RAB38: variants seen among roughly 807,000 people sequenced by gnomAD.
RAB38 encodes RAB38, member RAS oncogene family, also known as ras-related protein Rab-38.
Under a neutral mutation model 18.4 loss-of-function variants are expected in RAB38, and 15 were observed. The observed-to-expected ratio is 0.82, with a 90% confidence interval of 0.55 to 1.26. The LOEUF (loss-of-function observed/expected upper bound fraction) is 1.26. Ranked by LOEUF, RAB38 falls within the 50% of genes most tolerant of loss-of-function variation. The pLI, the probability that RAB38 is intolerant of heterozygous loss-of-function variation, is 0.00. For synonymous variants in RAB38, 101 were observed against 104.4 expected (o/e 0.97, Z 0.20); for missense variants, 294 against 267.4 (o/e 1.10, Z -0.69).
At chr11:88,092,356 GAGAGAGAGAGA>G in the RAB38 span, among the ~76,000 whole-genome samples, 19 of 10,642 alleles carry the variant, frequency 1.8e-3, 2 homozygotes, top group South Asian at 0.013. Flanking sequence ...GGGAGGGAGA[GAGAGAGAGAGA>G]GAGAGAGAGA....
chr11:88,042,607 C>T, the RAB38 span, among the ~76,000 whole-genome samples: 1,284 of 152,286 alleles, frequency 8.4e-3, 18 homozygotes, highest in African/African-American at 0.03. Context: ...CCAGGTAGAT[C>T]TGTGTCAGCT....
At chr11:88,070,071 G>A in the RAB38 span, among the ~76,000 whole-genome samples, 2 of 152,164 alleles carry the variant, frequency 1.3e-5, no homozygotes, top group Non-Finnish European at 2.9e-5. Flanking sequence ...CTTCCACACT[G>A]TGGAAGCTTT....
the RAB38 span, among the ~76,000 whole-genome samples, chr11:87,943,709 G>A: frequency 6.6e-6 from 1 of 152,076 alleles, no homozygotes; most frequent in East Asian, 1.9e-4. Context: ...TCTTAAAGAT[G>A]GAGCAGATAT....
In RAB38 at chr11:88,120,672, A is replaced by G. The variant is rs369182849; in HGVS notation, c.484-6532T>C. 3.3e-5 allele frequency among the ~76,000 whole-genome samples: 5 copies of G among 152,252 alleles called. No individual in the cohort carries two copies. In the East Asian group the frequency reaches 7.7e-4, roughly 24 times the overall value. On this transcript the variant is annotated intron_variant, in intron 2 of 2. Transcript: ENST00000243662. The stretch of plus-strand genomic sequence containing the variant: ...CTCCTAAGATTGTGTCCCTCTGACA[A>G]TGCCTCCCTCATCCCCACCATGGCC...
the RAB38 span, among the ~76,000 whole-genome samples, chr11:87,850,733 CACACACACACACAT>C: frequency 2.0e-5 from 3 of 151,856 alleles, no homozygotes; most frequent in Non-Finnish European, 4.4e-5. Context: ...CACACACACA[CACACACACACACAT>C]ACACACACAC....
the RAB38 span, among the ~76,000 whole-genome samples, chr11:87,953,583 T>C: frequency 1.3e-5 from 2 of 152,018 alleles, no homozygotes; most frequent in Admixed American, 6.5e-5. Context: ...ATTATTATTA[T>C]TTATTGTTAA....
At chr11:88,052,186 T>C in the RAB38 span, among the ~76,000 whole-genome samples, 1 of 151,698 alleles carries the variant, frequency 6.6e-6, no homozygotes, top group African/African-American at 2.4e-5. Context: ...GAAATAGAGA[T>C]GAATAGAGAA....
At chr11:88,151,595 G>A (rs1368985856) in intron 1 of RAB38, among the ~76,000 whole-genome samples, 1 of 152,216 alleles carries the variant, frequency 6.6e-6, no homozygotes, top group Non-Finnish European at 1.5e-5. Flanking sequence ...TTAACAAGTC[G>A]ACTTTTCTTG....
chr11:88,087,888 G>C, the RAB38 span, among the ~76,000 whole-genome samples: 1 of 151,842 alleles, frequency 6.6e-6, no homozygotes, highest in Non-Finnish European at 1.5e-5. Context: ...CAGCAGGGTT[G>C]TGACTAGAAA....
the RAB38 span, among the ~76,000 whole-genome samples, chr11:87,868,901 C>A: frequency 6.6e-6 from 1 of 151,624 alleles, no homozygotes. Context: ...TGTATGCTGT[C>A]ACCAATGTCT....
chr11:87,869,416 A>G, the RAB38 span, among the ~76,000 whole-genome samples: 1 of 151,666 alleles, frequency 6.6e-6, no homozygotes, highest in Non-Finnish European at 1.5e-5. Context: ...AGCCTGAATA[A>G]GAACCCGGCT....
the RAB38 span, among the ~76,000 whole-genome samples, chr11:87,949,856 T>A: frequency 6.6e-6 from 1 of 152,198 alleles, no homozygotes; most frequent in Non-Finnish European, 1.5e-5. Context: ...CTGAGAAGAA[T>A]GTATATTCTG....
At chr11:87,807,105 C>T in the RAB38 span, among the ~76,000 whole-genome samples, 420 of 152,236 alleles carry the variant, frequency 2.8e-3, 3 homozygotes, top group African/African-American at 9.7e-3. Context: ...ATCTAGACTG[C>T]ATAGTCCGTT....
chr11:87,860,527 G>A, the RAB38 span, among the ~76,000 whole-genome samples: 11 of 151,856 alleles, frequency 7.2e-5, 1 homozygote, highest in South Asian at 8.3e-4. Context: ...CTTTCATTGC[G>A]AATACGTTTT....
chr11:88,089,862 C>G, the RAB38 span, among the ~76,000 whole-genome samples: 2 of 151,894 alleles, frequency 1.3e-5, no homozygotes, highest in Admixed American at 6.6e-5. Context: ...CCCCATTCTT[C>G]GTGGTACTGG....
chr11:87,895,147 C>T, the RAB38 span, among the ~76,000 whole-genome samples: 3 of 151,664 alleles, frequency 2.0e-5, no homozygotes, highest in East Asian at 5.9e-4. Flanking sequence ...GGGTGAATTG[C>T]TCTAGCGGGG....
chr11:88,014,599 G>C, the RAB38 span, among the ~76,000 whole-genome samples: 8 of 152,190 alleles, frequency 5.3e-5, no homozygotes, highest in Admixed American at 5.2e-4. Flanking sequence ...CATATTAATG[G>C]TGGTGGTCAT....
the RAB38 span, among the ~76,000 whole-genome samples, chr11:88,089,189 C>T: frequency 6.7e-6 from 1 of 149,842 alleles, no homozygotes; most frequent in African/African-American, 2.5e-5. Context: ...GGGCTCTCAT[C>T]TTGACATCCC....
At chr11:87,824,991 A>T in the RAB38 span, among the ~76,000 whole-genome samples, 2 of 151,764 alleles carry the variant, frequency 1.3e-5, no homozygotes, top group Non-Finnish European at 2.9e-5. Flanking sequence ...AGAGAGAGAG[A>T]GAGTGAGTGT....
Sources: allele counts gnomAD v4.1 joint callset (sites outside exome capture counted in the v4.1 genomes callset), GRCh38; gene constraint gnomAD v4.1.1; transcripts MANE v1.5; gene names NCBI Gene and HGNC (gene_info 2026-07-23, HGNC 2026-07-21).